BTRC: variants seen among roughly 807,000 people sequenced by gnomAD.
BTRC encodes the protein beta-transducin repeat containing E3 ubiquitin protein ligase, also known as F-box/WD repeat-containing protein 1A.
Under a neutral mutation model 85.5 loss-of-function variants are expected in BTRC, and 42 were observed. The observed-to-expected ratio is 0.49, with a 90% CI of 0.38 to 0.64. The LOEUF is 0.64. BTRC is among the 30% of genes least tolerant of loss of function. BTRC has a pLI of 0.00. For missense variants in BTRC, 594 were observed against 743.5 expected, an observed-to-expected ratio of 0.80 and a Z score of 2.34; for synonymous variants, 255 against 263.3, an observed-to-expected ratio of 0.97 and a Z score of 0.30.
At chr10:101,408,674 A>ATT (rs1589432430) in intron 1 of BTRC, among the ~76,000 whole-genome samples, 2 of 152,220 alleles carry the variant, frequency 1.3e-5, no homozygotes, top group East Asian at 3.9e-4. Flanking sequence ...TAAGTATTCC[A>ATT]TTTTATGCCT....
At chr10:101,388,595 T>C (rs1031546079) in intron 1 of BTRC, among the ~76,000 whole-genome samples, 1 of 152,114 alleles carries the variant, frequency 6.6e-6, no homozygotes, top group African/African-American at 2.4e-5. Context: ...GTTCAAGTGA[T>C]CCTCCCACCT....
intron 4 of BTRC, among the ~76,000 whole-genome samples, chr10:101,487,180 T>A (rs1355598801): frequency 1.3e-5 from 2 of 152,204 alleles, no homozygotes; most frequent in Non-Finnish European, 2.9e-5. Flanking sequence ...TAGGGTTTCT[T>A]GTTATATAAG....
chr10:101,538,272 T>C, intron 12 of BTRC, 21 bp from the exon 13 acceptor site: 1 of 1,603,940 alleles, frequency 6.2e-7, no homozygotes, highest in Non-Finnish European at 8.5e-7. Flanking sequence ...CTAACATTTT[T>C]GTCCCCTTTT....
chr10:101,463,527 A>C (rs1945285313), intron 3 of BTRC, among the ~76,000 whole-genome samples: 1 of 152,192 alleles, frequency 6.6e-6, no homozygotes, highest in South Asian at 2.1e-4. Context: ...CCTGAGCAGC[A>C]GTAAAAATAA....
At position 101,413,735 on chromosome 10, in the gene BTRC, AT is replaced by A. The variant is rs1290853691; in HGVS notation, c.49-16609del. Among the ~76,000 whole-genome samples, 3 of 152,356 alleles carry A rather than the reference AT, an allele frequency of 2.0e-5. No homozygotes were observed. In the East Asian group the frequency reaches 5.8e-4, roughly 29 times the overall value. The stretch of plus-strand genomic sequence containing the variant: ...TTTCACAAAATTGAAAGTACAAAGG[AT>A]AAAATGTTAGATTGTGACCTTGCTT... On this transcript the variant is annotated intron_variant, in intron 1 of 14. Transcript: ENST00000370187.
chr10:101,411,618 T>C (rs1943780977), intron 1 of BTRC, among the ~76,000 whole-genome samples: 1 of 152,198 alleles, frequency 6.6e-6, no homozygotes, highest in Non-Finnish European at 1.5e-5. Flanking sequence ...TTTTTCATTC[T>C]GGAACTTTTT....
intron 2 of BTRC, among the ~76,000 whole-genome samples, chr10:101,446,101 T>TC (rs554853772): frequency 0.016 from 2,045 of 131,620 alleles, 43 homozygotes; most frequent in East Asian, 0.057. Context: ...TTTGTTCTCT[T>TC]CCCCCCCCAC....
In BTRC at chr10:101,532,176, C is replaced by T. The variant is rs1009928747; in HGVS notation, c.841-119C>T. 3.8e-6 allele frequency: 4 copies of T among 1,040,730 alleles called. No individual in the cohort carries two copies. The African/African-American group carries it at 4.9e-5, about 13-fold the overall frequency. 64.5% of individuals were successfully genotyped at this position (1,040,730 alleles called of 1,614,324 possible). ...CTTTTAAAGACATTTTTTAGTTTTC[C>T]CTAAGTTGTGTATATCCCATAGAGT... On this transcript the variant is annotated intron_variant, in intron 7 of 14. Transcript: ENST00000370187.
At chr10:101,521,321 G>A (rs897256105) in intron 4 of BTRC, among the ~76,000 whole-genome samples, 2 of 152,190 alleles carry the variant, frequency 1.3e-5, no homozygotes, top group African/African-American at 2.4e-5. Flanking sequence ...AACAACTGTT[G>A]TATACAAGAA....
chr10:101,429,370 T>G (rs963582484), intron 1 of BTRC, among the ~76,000 whole-genome samples: 1 of 152,152 alleles, frequency 6.6e-6, no homozygotes, highest in African/African-American at 2.4e-5. Flanking sequence ...ATGTGTAATT[T>G]CTACCTTTTT....
chr10:101,455,983 A>ACACAC (rs1554881061), intron 2 of BTRC, among the ~76,000 whole-genome samples: 45 of 96,044 alleles, frequency 4.7e-4, no homozygotes, highest in Non-Finnish European at 7.1e-4. Context: ...CTCTACTAAA[A>ACACAC]ACACACACAC....
chr10:101,430,922 A>G (rs1322519391), intron 2 of BTRC, among the ~76,000 whole-genome samples: 1 of 151,982 alleles, frequency 6.6e-6, no homozygotes, highest in African/African-American at 2.4e-5. Flanking sequence ...CTAAGTATAT[A>G]TTTTTTATAA....
At chr10:101,363,859 A>T (rs1942286753) in intron 1 of BTRC, among the ~76,000 whole-genome samples, 1 of 152,198 alleles carries the variant, frequency 6.6e-6, no homozygotes, top group Non-Finnish European at 1.5e-5. Flanking sequence ...TATTTAAATT[A>T]CCGATGAAGT....
At chr10:101,471,327 T>C (rs1004526527) in intron 3 of BTRC, among the ~76,000 whole-genome samples, 2 of 152,126 alleles carry the variant, frequency 1.3e-5, no homozygotes, top group African/African-American at 4.8e-5. Context: ...AGTTGGAGGC[T>C]ACAGTGAGTT....
chr10:101,442,045 C>T (rs1225146852), intron 2 of BTRC, among the ~76,000 whole-genome samples: 3 of 152,038 alleles, frequency 2.0e-5, no homozygotes, highest in Non-Finnish European at 4.4e-5. Context: ...GGTTTGTTTC[C>T]TCATCTTTTC....
chr10:101,437,420 C>T (rs886902631), intron 2 of BTRC, among the ~76,000 whole-genome samples: 1 of 151,722 alleles, frequency 6.6e-6, no homozygotes, highest in Non-Finnish European at 1.5e-5. Context: ...CCTGTGCGTG[C>T]ACACACACAC....
At chr10:101,542,748 A>ATT (rs895868591) in intron 13 of BTRC, among the ~76,000 whole-genome samples, 2 of 150,014 alleles carry the variant, frequency 1.3e-5, no homozygotes, top group African/African-American at 4.9e-5. Flanking sequence ...ATTTTTTTGT[A>ATT]TTTTTTTTTA....
chr10:101,385,330 G>A (rs10883633), intron 1 of BTRC, among the ~76,000 whole-genome samples: 51,797 of 142,378 alleles, frequency 0.36, 10,414 homozygotes, highest in Middle Eastern at 0.49. Flanking sequence ...TCGCGCCACT[G>A]CACTCCAGCC....
At chr10:101,541,027 A>G (rs895815957) in intron 13 of BTRC, among the ~76,000 whole-genome samples, 50 of 151,590 alleles carry the variant, frequency 3.3e-4, no homozygotes, top group Non-Finnish European at 7.1e-4. Context: ...CTGATTGTTC[A>G]TTGCAAATAC....
Sources: gnomAD v4.1 joint callset for allele counts (sites outside exome capture counted in the v4.1 genomes callset) on GRCh38, gnomAD v4.1.1 for gene constraint, MANE v1.5 for transcripts, NCBI Gene and HGNC (gene_info 2026-07-23, HGNC 2026-07-21) for gene names.